Variants in TRAF3IP1 observed in about 807,000 individuals in gnomAD.
TRAF3IP1 encodes the protein TRAF3-interacting protein 1.
Under a neutral mutation model 89.9 loss-of-function variants are expected in TRAF3IP1, and 53 were observed. The observed-to-expected ratio is 0.59, with a 90% CI of 0.47 to 0.74. TRAF3IP1 has a LOEUF of 0.74. Ranked by LOEUF, TRAF3IP1 falls within the 30% of genes least tolerant of loss-of-function variation. TRAF3IP1 has a pLI of 0.00. For missense variants in TRAF3IP1, 806 were observed against 866.1 expected (o/e 0.93, Z 0.87); for synonymous variants, 311 against 322.1 (o/e 0.97, Z 0.37).
Position 238,344,483 on chromosome 2 carries a change from C to G in TRAF3IP1, c.1160-14C>G. 1 of 1,607,872 alleles carries G rather than the reference C, an allele frequency of 6.2e-7. No individual in the cohort carries two copies. The highest frequency in any genetic ancestry group is 8.5e-7 in the Non-Finnish European group (1 of 1,174,416). On this transcript the variant is annotated splice_polypyrimidine_tract_variant and intron_variant, in intron 8 of 16. Coordinates refer to ENST00000373327, the MANE Select transcript of TRAF3IP1 (RefSeq NM_015650.4). ...TACAGTCTTAATGACTAATTTTAAA[C>G]TGTTTTATGTCAGGAACAAAAGAAG...
In TRAF3IP1 at chr2:238,330,802, A is replaced by G. The variant is rs139443528; in HGVS notation, c.915+1460A>G. On this transcript the variant is annotated intron_variant, in intron 5 of 16. Transcript: ENST00000373327. ...TGTTAGTAATTGAACGTAGTGTTCT[A>G]CAAGGCACTTTGGAGTTTTACTATT... Among the ~76,000 whole-genome samples, 33 of 152,346 alleles carry G rather than the reference A, an allele frequency of 2.2e-4. No homozygotes were observed. The South Asian group carries it at 2.5e-3, about 11-fold the overall frequency.
Position 238,351,143 on chromosome 2 carries a change from G to A in TRAF3IP1, c.1452-1684G>A, listed in dbSNP as rs566548966. On this transcript the variant is annotated intron_variant, in intron 12 of 16. Transcript: ENST00000373327. This position sits in a 1 kb window ranked among gnomAD's most constrained non-coding sequence, Gnocchi z 5.2. The stretch of plus-strand genomic sequence containing the variant: ...GAGCTTGCTGTTAGTGGTAGTGACA[G>A]GGGTGCCCCTGGGAGTGGGCGTCGA... Among the ~76,000 whole-genome samples the A allele has an allele frequency of 4.6e-5, 7 of 152,084 alleles. No homozygotes were observed. Among genetic ancestry groups the A allele is most frequent in the Non-Finnish European group, 1.5e-5 (1 of 67,890 alleles).
chr2:238,363,230 T>A (rs1449083289), intron 15 of TRAF3IP1, among the ~76,000 whole-genome samples: 1 of 152,218 alleles, frequency 6.6e-6, no homozygotes. Flanking sequence ...GCATTGACTT[T>A]TCCTAGTCTC....
At position 238,397,454 on chromosome 2, in the gene TRAF3IP1, T is replaced by G. The variant is rs373569951; in HGVS notation, c.1690-5T>G. ...GTTCCTCTTCCTATGTCTCCCTGAC[T>G]GTAGGAGCGATCTCTCTTTGAGTCG... is the stretch of plus-strand genomic sequence containing the variant. On this transcript the variant is annotated splice_polypyrimidine_tract_variant and splice_region_variant and intron_variant, in intron 15 of 16. Transcript: ENST00000373327. 1 of 1,612,476 alleles carries G rather than the reference T, an allele frequency of 6.2e-7. No individual in the cohort carries two copies. The highest frequency in any genetic ancestry group is 8.5e-7 in the Non-Finnish European group (1 of 1,179,648).
At chr2:238,373,182 G>C (rs926628246) in intron 15 of TRAF3IP1, among the ~76,000 whole-genome samples, 1 of 152,140 alleles carries the variant, frequency 6.6e-6, no homozygotes, top group African/African-American at 2.4e-5. Context: ...ATTGCTTTTG[G>C]TGTTTTAGTC....
At chr2:238,327,907 G>A (rs1697917509) in intron 3 of TRAF3IP1, among the ~76,000 whole-genome samples, 1 of 152,138 alleles carries the variant, frequency 6.6e-6, no homozygotes, top group African/African-American at 2.4e-5. Flanking sequence ...GTTGTGGCAT[G>A]TATCAGAATT....
intron 8 of TRAF3IP1, among the ~76,000 whole-genome samples, chr2:238,340,642 C>T (rs1698597469): frequency 6.6e-6 from 1 of 152,076 alleles, no homozygotes; most frequent in Non-Finnish European, 1.5e-5. Context: ...AACATTAAGT[C>T]AGGTCTTTAT....
At chr2:238,323,285 T>G (rs7566258) in intron 1 of TRAF3IP1, among the ~76,000 whole-genome samples, 110,544 of 151,960 alleles carry the variant, frequency 0.73, 40,436 homozygotes, top group Middle Eastern at 0.79. Flanking sequence ...CGCCATGTTG[T>G]CCGGCCTGAT....
intron 7 of TRAF3IP1, among the ~76,000 whole-genome samples, chr2:238,337,043 G>T (rs906401437): frequency 3.3e-5 from 5 of 152,016 alleles, no homozygotes; most frequent in African/African-American, 1.2e-4. Context: ...GTGGAGAGGG[G>T]GCAGAGGGAC....
intron 7 of TRAF3IP1, among the ~76,000 whole-genome samples, chr2:238,337,372 TA>T (rs1333429848): frequency 6.6e-6 from 1 of 151,844 alleles, no homozygotes; most frequent in Non-Finnish European, 1.5e-5. Flanking sequence ...GGAACAGTGA[TA>T]GGGGAAAGGG....
chr2:238,344,720 G>T, intron 9 of TRAF3IP1, 122 bp downstream of exon 9: 1 of 774,656 alleles, frequency 1.3e-6, no homozygotes, highest in South Asian at 1.4e-5. Flanking sequence ...CGTGGCAAGT[G>T]ATTCACAGTG....
chr2:238,349,216 T>A, intron 11 of TRAF3IP1, 109 bp from the exon 12 acceptor site: 3 of 1,062,266 alleles, frequency 2.8e-6, no homozygotes, highest in Non-Finnish European at 4.2e-6. Flanking sequence ...ACCAGCACAT[T>A]GATTATGGCT....
chr2:238,397,377 G>A, intron 15 of TRAF3IP1, 82 bp from the exon 16 acceptor site: 1 of 1,262,950 alleles, frequency 7.9e-7, no homozygotes, highest in Non-Finnish European at 1.1e-6. Context: ...CCAGCCCCAT[G>A]GCCGTGTGCT....
chr2:238,366,899 C>T (rs1014887434), intron 15 of TRAF3IP1, among the ~76,000 whole-genome samples: 2 of 151,932 alleles, frequency 1.3e-5, no homozygotes, highest in Admixed American at 6.6e-5. Flanking sequence ...TGTGGTGGCT[C>T]ACACCTGTAA....
chr2:238,374,835 GCTT>G (rs1700250476), intron 15 of TRAF3IP1, among the ~76,000 whole-genome samples: 1 of 152,058 alleles, frequency 6.6e-6, no homozygotes, highest in Non-Finnish European at 1.5e-5. Context: ...CATATATTCA[GCTT>G]CTTTCTGGTT....
intron 13 of TRAF3IP1, 46 bp downstream of exon 13, chr2:238,352,996 T>G: frequency 6.4e-7 from 1 of 1,570,796 alleles, no homozygotes; most frequent in Non-Finnish European, 8.7e-7. Context: ...ATGTTTTACC[T>G]TCATTGAGAT....
chr2:238,343,506 T>C (rs1031392673), intron 8 of TRAF3IP1, among the ~76,000 whole-genome samples: 2 of 152,042 alleles, frequency 1.3e-5, no homozygotes, highest in Admixed American at 1.3e-4. Flanking sequence ...CTCAGCCTCC[T>C]GGGTAGCTGG....
At chr2:238,350,743 C>A (rs1033759884) in intron 12 of TRAF3IP1, among the ~76,000 whole-genome samples, 2 of 152,170 alleles carry the variant, frequency 1.3e-5, no homozygotes, top group Admixed American at 1.3e-4. Flanking sequence ...GACTTCAGGG[C>A]AGCATCTGGT....
chr2:238,348,784 G>T lies in TRAF3IP1; in HGVS notation c.1303G>T (p.Gly435Cys). The T allele has an allele frequency of 1.9e-6, 3 of 1,614,096 alleles. No individual in the cohort carries two copies. Among genetic ancestry groups the T allele is most frequent in the Non-Finnish European group, 2.5e-6 (3 of 1,179,998 alleles). The change falls in exon 11 of 17, where the codon GGC (glycine) becomes TGC (cysteine). Residue 435 changes from glycine to cysteine, a missense_variant. Physicochemically the swap from Gly to Cys is radical, Grantham distance 159. Transcript: ENST00000373327. Reference sequence around the variant, plus strand: ...TTTAGAAGGAGATGCTGGACCTGCTGGCCAAGATAAGTCTGAGGTGCCAGA... The same window carrying T: ...TTTAGAAGGAGATGCTGGACCTGCTTGCCAAGATAAGTCTGAGGTGCCAGA... The part of the protein sequence containing the change: ...SDAEGDAGPA[G>C]QDKSEVPETP...
Sources: allele counts gnomAD v4.1 joint callset (sites outside exome capture counted in the v4.1 genomes callset), GRCh38; gene constraint gnomAD v4.1.1; non-coding constraint Gnocchi (gnomAD v3.1); transcripts MANE v1.5; gene names NCBI Gene and HGNC (gene_info 2026-07-23, HGNC 2026-07-21).